Variants in SOX5 observed in about 807,000 individuals in gnomAD.
SOX5 encodes the protein SRY-box transcription factor 5, also known as transcription factor SOX-5.
Under a neutral mutation model 92.0 loss-of-function variants are expected in SOX5, and 9 were observed. That is an observed-to-expected ratio of 0.10 (90% confidence interval 0.06 to 0.17). The LOEUF is 0.17. Among genes scored for constraint, SOX5 ranks in the 10% least tolerant of loss-of-function variants. The pLI is 1.00. For missense variants in SOX5, 642 were observed against 944.5 expected, an observed-to-expected ratio of 0.68 and a Z score of 4.20; for synonymous variants, 344 against 336.3, an observed-to-expected ratio of 1.02 and a Z score of -0.25.
intron 2 of SOX5, among the ~76,000 whole-genome samples, chr12:24,333,095 G>A (rs1951511397): frequency 1.3e-5 from 2 of 152,004 alleles, no homozygotes; most frequent in African/African-American, 4.8e-5. Context: ...TAAAAAAAGA[G>A]TTATGATATT....
At chr12:23,669,163 C>T (rs2084348994) in intron 6 of SOX5, among the ~76,000 whole-genome samples, 1 of 152,028 alleles carries the variant, frequency 6.6e-6, no homozygotes, top group African/African-American at 2.4e-5. Context: ...GTGGGGCAAA[C>T]AGACAGATAA....
intron 8 of SOX5, among the ~76,000 whole-genome samples, chr12:23,625,336 G>A (rs988289112): frequency 5.9e-5 from 9 of 152,170 alleles, no homozygotes; most frequent in Non-Finnish European, 1.0e-4. Flanking sequence ...AGTGGGGGCT[G>A]TTACTGGTGT....
At chr12:24,221,936 T>C (rs1470070877) in intron 3 of SOX5, among the ~76,000 whole-genome samples, 1 of 152,144 alleles carries the variant, frequency 6.6e-6, no homozygotes, top group African/African-American at 2.4e-5. Context: ...AGTGAGTGAA[T>C]GCAAGAGTAA....
At chr12:23,663,366 C>T (rs763419552) in intron 7 of SOX5, among the ~76,000 whole-genome samples, 19 of 152,188 alleles carry the variant, frequency 1.2e-4, no homozygotes, top group Non-Finnish European at 2.1e-4. Flanking sequence ...AAATTCTCCA[C>T]GCCACGTTAC....
At position 24,534,855 on chromosome 12, in the gene SOX5, C is replaced by T. The variant is rs562642004; in HGVS notation, c.-251+27474G>A. ...CATTCTGAGAACACATCCCCAGAGTCCAGAGGGGATGCGAGGGCTGGCCAC... is the reference window on the plus strand; with the variant it reads ...CATTCTGAGAACACATCCCCAGAGTTCAGAGGGGATGCGAGGGCTGGCCAC... On this transcript the variant is annotated intron_variant, in intron 1 of 4. Transcript: ENST00000446891. Among the ~76,000 whole-genome samples the T allele has an allele frequency of 2.0e-5, 3 of 152,318 alleles. No individual in the cohort carries two copies. The South Asian group carries it at 6.2e-4, about 32-fold the overall frequency.
At chr12:24,069,078 G>T (rs1184709511) in intron 4 of SOX5, among the ~76,000 whole-genome samples, 1 of 151,640 alleles carries the variant, frequency 6.6e-6, no homozygotes, top group Non-Finnish European at 1.5e-5. Context: ...ATAATATTTT[G>T]CATTGTCAAA....
intron 4 of SOX5, among the ~76,000 whole-genome samples, chr12:24,159,765 A>C (rs1453230871): frequency 6.6e-6 from 1 of 152,054 alleles, no homozygotes; most frequent in Admixed American, 6.6e-5. Context: ...CTCAAATATG[A>C]GTAATTGACA....
intron 1 of SOX5, among the ~76,000 whole-genome samples, chr12:24,549,381 C>T (rs939371641): frequency 6.6e-6 from 1 of 152,162 alleles, no homozygotes; most frequent in Admixed American, 6.5e-5. Context: ...ATAGTAGGCA[C>T]TCCAGAAATA....
At chr12:24,278,062 A>G (rs1944700009) in intron 2 of SOX5, among the ~76,000 whole-genome samples, 1 of 152,196 alleles carries the variant, frequency 6.6e-6, no homozygotes, top group South Asian at 2.1e-4. Context: ...TATGAAAGCA[A>G]GGAACCTGTA....
intron 1 of SOX5, among the ~76,000 whole-genome samples, chr12:24,523,715 T>A (rs1950451477): frequency 6.6e-6 from 1 of 152,146 alleles, no homozygotes; most frequent in Non-Finnish European, 1.5e-5. Context: ...TATACACTTG[T>A]TTCATATCAG....
intron 4 of SOX5, among the ~76,000 whole-genome samples, chr12:24,133,724 C>T (rs566012011): frequency 4.1e-4 from 63 of 152,080 alleles, no homozygotes; most frequent in African/African-American, 1.4e-3. Flanking sequence ...GTCCTCTCCC[C>T]GACTGGTCCA....
intron 11 of SOX5, among the ~76,000 whole-genome samples, chr12:23,553,483 C>T (rs1014283566): frequency 2.0e-5 from 3 of 151,882 alleles, no homozygotes; most frequent in Admixed American, 6.6e-5. Flanking sequence ...AAAATATGGG[C>T]CCTTGCTTCT....
At chr12:24,142,129 T>A (rs1038490222) in intron 4 of SOX5, among the ~76,000 whole-genome samples, 3 of 152,100 alleles carry the variant, frequency 2.0e-5, no homozygotes, top group African/African-American at 7.2e-5. Context: ...ACTACCACCA[T>A]CAACAGAGGT....
At position 23,913,194 on chromosome 12, in the gene SOX5, A is replaced by T. The variant is rs187552890; in HGVS notation, c.39-17170T>A. On this transcript the variant is annotated intron_variant, in intron 1 of 14. Coordinates refer to ENST00000451604, the MANE Select transcript of SOX5 (RefSeq NM_006940.6). ...TTGTTAATTAAAAGTCAAATATAAA[A>T]TTTTTTTATGAAAGAACTTAAATAT... 3.9e-4 allele frequency among the ~76,000 whole-genome samples: 60 copies of T among 152,190 alleles called. 1 individual carries two copies. Among genetic ancestry groups the T allele is most frequent in the East Asian group, 1.9e-3 (10 of 5,176 alleles).
intron 13 of SOX5, among the ~76,000 whole-genome samples, chr12:23,542,820 A>G (rs539955675): frequency 2.0e-5 from 3 of 152,340 alleles, no homozygotes; most frequent in African/African-American, 7.2e-5. Context: ...GAGGATGATG[A>G]GAGAGGAAGG....
At chr12:24,206,284 A>G (rs1958011316) in intron 4 of SOX5, among the ~76,000 whole-genome samples, 1 of 152,174 alleles carries the variant, frequency 6.6e-6, no homozygotes, top group East Asian at 1.9e-4. Flanking sequence ...TTGCGTATTT[A>G]TCTTTTGAGA....
Position 24,032,587 on chromosome 12 carries a change from G to A in SOX5, c.-1-136563C>T, listed in dbSNP as rs531121918. Among the ~76,000 whole-genome samples, 5 of 151,868 alleles carry A rather than the reference G, an allele frequency of 3.3e-5. No individual in the cohort carries two copies. The South Asian group carries it at 1.0e-3, about 32-fold the overall frequency. ...TTAATCTGGTGTGCTAGCATTTCCT[G>A]CTGTTAACTGTAGTAACTACTTGTA... On this transcript the variant is annotated intron_variant, in intron 4 of 4. Transcript: ENST00000446891.
Position 24,085,352 on chromosome 12 carries a change from C to T in SOX5, c.-2+127991G>A, listed in dbSNP as rs768557602. Among the ~76,000 whole-genome samples, 4 of 152,052 alleles carry T rather than the reference C, an allele frequency of 2.6e-5. No homozygotes were observed. In the South Asian group the frequency reaches 8.3e-4, roughly 31 times the overall value. On this transcript the variant is annotated intron_variant, in intron 4 of 4. Transcript: ENST00000446891. The stretch of plus-strand genomic sequence containing the variant: ...ATACACTATCTCAGTTCATTCTCAC[C>T]ATGGCTCTATGAGTTGGATACAACT...
At chr12:23,565,783 G>C (rs1399363937) in intron 10 of SOX5, among the ~76,000 whole-genome samples, 1 of 152,132 alleles carries the variant, frequency 6.6e-6, no homozygotes, top group Non-Finnish European at 1.5e-5. Context: ...ATTTGTATCT[G>C]CTATGTTAAA....
Sources: gnomAD v4.1 joint callset for allele counts (sites outside exome capture counted in the v4.1 genomes callset) on GRCh38, gnomAD v4.1.1 for gene constraint, MANE v1.5 for transcripts, NCBI Gene and HGNC (gene_info 2026-07-23, HGNC 2026-07-21) for gene names.